The following STK10 variants were observed in gnomAD, a reference collection of about 807,000 sequenced individuals.
STK10 encodes the protein serine/threonine-protein kinase 10.
In STK10, 78 loss-of-function variants were observed where a neutral mutation model predicts 113.8. The observed-to-expected ratio is 0.69, with a 90% CI of 0.57 to 0.83. The LOEUF (loss-of-function observed/expected upper bound fraction) is 0.83. Ranked by LOEUF, STK10 falls within the 40% of genes least tolerant of loss-of-function variation. STK10 has a pLI of 0.00. For synonymous variants in STK10, 465 were observed against 494.7 expected (o/e 0.94, Z 0.80); for missense variants, 1,109 against 1,280.1 (o/e 0.87, Z 2.04).
At chr5:172,078,141 T>C (rs988415706) in intron 12 of STK10, among the ~76,000 whole-genome samples, 7 of 152,180 alleles carry the variant, frequency 4.6e-5, no homozygotes, top group African/African-American at 1.7e-4. Context: ...AGGTGACCTT[T>C]GGAATCAGAG....
At chr5:172,080,543 G>C (rs1768406182) in intron 12 of STK10, among the ~76,000 whole-genome samples, 1 of 152,260 alleles carries the variant, frequency 6.6e-6, no homozygotes, top group Non-Finnish European at 1.5e-5. Context: ...CGAATGATGA[G>C]AAAGCAAAAC....
Position 172,103,372 on chromosome 5 carries a change from C to T in STK10, c.870+2284G>A, listed in dbSNP as rs904062452. On this transcript the variant is annotated intron_variant, in intron 7 of 18. Coordinates refer to ENST00000176763, the MANE Select transcript of STK10 (RefSeq NM_005990.4). ...TTGTTCTGCAACCCTTTCTGCTGGA[C>T]GGTAAGAATCCTCTGGCAGGACATT... is the stretch of plus-strand genomic sequence containing the variant. 3.9e-5 allele frequency among the ~76,000 whole-genome samples: 6 copies of T among 152,210 alleles called. No individual in the cohort carries two copies. The East Asian group carries it at 7.7e-4, about 20-fold the overall frequency.
intron 15 of STK10, among the ~76,000 whole-genome samples, chr5:172,056,705 TA>T (rs34406394): frequency 0.015 from 2,163 of 144,608 alleles, 53 homozygotes; most frequent in African/African-American, 0.051. Flanking sequence ...CCAACTCTGC[TA>T]AAAAAAAAAA....
At chr5:172,081,746 G>A (rs547343042) in intron 12 of STK10, among the ~76,000 whole-genome samples, 76 of 152,294 alleles carry the variant, frequency 5.0e-4, no homozygotes, top group African/African-American at 1.7e-3. Context: ...CTGGACTGGC[G>A]TTCCTGCCCT....
At chr5:172,180,463 T>G (rs776808803) in intron 1 of STK10, among the ~76,000 whole-genome samples, 10 of 151,210 alleles carry the variant, frequency 6.6e-5, no homozygotes, top group Non-Finnish European at 1.5e-4. Context: ...AGACTTCGTC[T>G]CAAAAAAGAA....
Position 172,093,932 on chromosome 5 carries a change from G to C in STK10, c.1034C>G (p.Ser345Cys). 2.0e-6 allele frequency: 3 copies of C among 1,513,744 alleles called. No individual in the cohort carries two copies. The highest frequency in any genetic ancestry group is 2.7e-6 in the Non-Finnish European group (3 of 1,130,538). 93.8% of individuals were successfully genotyped at this position (1,513,744 alleles called of 1,614,324 possible). The change falls in exon 9 of 19, where the codon TCT becomes TGT. Residue 345 changes from serine to cysteine, a missense_variant. This residue lies in a region of STK10 where 885 missense variants were observed against 991.1 expected (regional missense o/e 0.89). Transcript: ENST00000176763. The surrounding 1 kb of genome is among the most constrained non-coding windows in gnomAD (Gnocchi z 4.1). ...ATTGAGGCTTGGCGGACTCACCTCA[G>C]AGGAGTTCTGAGTATGGTTCTCCAG... The part of the protein sequence containing the change: ...STLENHTQNS[S>C]EVSPPSLNAD...
At chr5:172,077,471 A>T (rs755615421) in intron 12 of STK10, among the ~76,000 whole-genome samples, 1 of 152,236 alleles carries the variant, frequency 6.6e-6, no homozygotes, top group Non-Finnish European at 1.5e-5. Context: ...ATTACTTGGT[A>T]TATAGGAACT....
At chr5:172,080,200 TAATC>T (rs1215800896) in intron 12 of STK10, among the ~76,000 whole-genome samples, 4 of 152,204 alleles carry the variant, frequency 2.6e-5, no homozygotes, top group African/African-American at 9.6e-5. Context: ...ACAGCAAACT[TAATC>T]AATAAGTGTT....
At chr5:172,075,696 A>T (rs1768291339) in intron 12 of STK10, among the ~76,000 whole-genome samples, 1 of 152,216 alleles carries the variant, frequency 6.6e-6, no homozygotes, top group African/African-American at 2.4e-5. Context: ...AAATAAATAA[A>T]TAAAATAAAA....
chr5:172,084,788 T>C (rs1051081035), intron 10 of STK10, among the ~76,000 whole-genome samples: 3 of 152,164 alleles, frequency 2.0e-5, no homozygotes, highest in African/African-American at 4.8e-5. Context: ...AATATTATAC[T>C]TACTGAACGA....
intron 5 of STK10, 68 bp from the exon 6 acceptor site, chr5:172,106,882 G>T: frequency 2.7e-6 from 4 of 1,485,026 alleles, no homozygotes; most frequent in South Asian, 2.6e-5. Flanking sequence ...GGACATTCAG[G>T]GTCAAGGGCC....
intron 14 of STK10, among the ~76,000 whole-genome samples, chr5:172,059,508 C>G (rs960810288): frequency 6.6e-6 from 1 of 151,830 alleles, no homozygotes; most frequent in Non-Finnish European, 1.5e-5. Flanking sequence ...CTTTGCATAC[C>G]CCATGAAACT....
At chr5:172,114,471 ATATTT>A (rs1769326437) in intron 4 of STK10, 3 of 38,400 alleles carry the variant, frequency 7.8e-5, no homozygotes, top group South Asian at 9.4e-4. Context: ...ATATATATAT[ATATTT>A]TTTTTTTTTT....
chr5:172,096,398 C>A, intron 8 of STK10, 28 bp downstream of exon 8: 1 of 1,607,634 alleles, frequency 6.2e-7, no homozygotes, highest in Non-Finnish European at 8.5e-7. Flanking sequence ...TCCCAGCCCC[C>A]GCTAAGCCCC....
chr5:172,139,426 G>A (rs1203507947), intron 2 of STK10, among the ~76,000 whole-genome samples: 1 of 151,568 alleles, frequency 6.6e-6, no homozygotes, highest in Non-Finnish European at 1.5e-5. Flanking sequence ...ACCTTGGGAG[G>A]TGAGAGGACT....
chr5:172,096,679 C>G, intron 7 of STK10, 119 bp from the exon 8 acceptor site: 5 of 1,389,040 alleles, frequency 3.6e-6, no homozygotes, highest in Non-Finnish European at 4.9e-6. Flanking sequence ...GCAAAATGTG[C>G]ACATGAACTT....
chr5:172,061,348 G>T, intron 13 of STK10, 80 bp from the exon 14 acceptor site: 1 of 1,498,286 alleles, frequency 6.7e-7, no homozygotes, highest in Non-Finnish European at 8.9e-7. Context: ...TGGGAGAAAA[G>T]CCCGCGTGAT....
chr5:172,046,198 A>C (rs1261416194), intron 18 of STK10, among the ~76,000 whole-genome samples: 3 of 151,558 alleles, frequency 2.0e-5, no homozygotes, highest in African/African-American at 7.3e-5. Flanking sequence ...CATCTCTACT[A>C]AAAACACAAA....
intron 13 of STK10, among the ~76,000 whole-genome samples, chr5:172,062,497 C>T (rs73315808): frequency 0.14 from 21,919 of 152,144 alleles, 2,336 homozygotes; most frequent in African/African-American, 0.3. Flanking sequence ...GAAAACAGCC[C>T]ACGTGTCCGT....
Sources: gnomAD v4.1 joint callset for allele counts (sites outside exome capture counted in the v4.1 genomes callset) on GRCh38, gnomAD v4.1.1 for gene constraint, gnomAD v4.1.1 regional missense constraint, Gnocchi (gnomAD v3.1) non-coding constraint, MANE v1.5 for transcripts, NCBI Gene and HGNC (gene_info 2026-07-23, HGNC 2026-07-21) for gene names.